Variants in TACR3 observed in about 807,000 individuals in gnomAD.
TACR3 encodes neuromedin-K receptor.
In TACR3, 34 loss-of-function variants were observed where a neutral mutation model predicts 35.0. The ratio of observed to expected loss-of-function variants is 0.97; its 90% CI spans 0.74 to 1.30. The LOEUF is 1.30. TACR3 is among the 50% of genes most tolerant of loss of function. The pLI, the probability that TACR3 is intolerant of heterozygous loss-of-function variation, is 0.00. For missense variants in TACR3, 558 were observed against 591.7 expected (o/e 0.94, Z 0.59); for synonymous variants, 233 against 221.1 (o/e 1.05, Z -0.48).
chr4:103,618,804 C>T (rs1225138006), intron 3 of TACR3, among the ~76,000 whole-genome samples: 2 of 151,970 alleles, frequency 1.3e-5, no homozygotes, highest in African/African-American at 4.8e-5. Flanking sequence ...TTGTAAAGAT[C>T]TTCCACCTCC....
chr4:103,701,721 A>T (rs1376179756), intron 1 of TACR3, among the ~76,000 whole-genome samples: 1 of 152,202 alleles, frequency 6.6e-6, no homozygotes, highest in Non-Finnish European at 1.5e-5. Context: ...AATGGAACAG[A>T]ACAGAGCCCT....
chr4:103,596,502 G>A (rs1053877704), intron 3 of TACR3, among the ~76,000 whole-genome samples: 10 of 152,152 alleles, frequency 6.6e-5, no homozygotes, highest in Admixed American at 3.9e-4. Context: ...TGTTGGTACA[G>A]GATTGATTCT....
intron 3 of TACR3, among the ~76,000 whole-genome samples, chr4:103,652,167 G>T (rs1725634713): frequency 6.6e-6 from 1 of 152,074 alleles, no homozygotes; most frequent in South Asian, 2.1e-4. Flanking sequence ...ACTCACATAG[G>T]AGTTGCGGTC....
At position 103,694,297 on chromosome 4, in the gene TACR3, G is replaced by A. The variant is rs911857714; in HGVS notation, c.548+24831C>T. 2.8e-5 allele frequency among the ~76,000 whole-genome samples: 4 copies of A among 144,616 alleles called. No individual in the cohort carries two copies. The South Asian group carries it at 8.3e-4, about 30-fold the overall frequency. The allele number at this position is 144,616 out of a possible 152,430, so 94.9% of individuals were successfully genotyped here. ...TATGTGCTTACTTGGGAGTTCCAGG[G>A]ACTAATCTTGAGACACACCAAGCAT... On this transcript the variant is annotated intron_variant, in intron 1 of 4. Coordinates refer to ENST00000304883, the MANE Select transcript of TACR3 (RefSeq NM_001059.3).
intron 3 of TACR3, among the ~76,000 whole-genome samples, chr4:103,597,846 C>A (rs1724074990): frequency 1.3e-5 from 2 of 152,126 alleles, no homozygotes; most frequent in South Asian, 4.1e-4. Context: ...TTAATTCAGT[C>A]TATTGTTTTT....
At chr4:103,677,098 C>A (rs1245891457) in intron 1 of TACR3, among the ~76,000 whole-genome samples, 1 of 152,072 alleles carries the variant, frequency 6.6e-6, no homozygotes, top group Non-Finnish European at 1.5e-5. Flanking sequence ...GGCCAACAAA[C>A]ATATGAGAAA....
intron 1 of TACR3, among the ~76,000 whole-genome samples, chr4:103,695,280 C>T (rs542605081): frequency 6.6e-6 from 1 of 152,212 alleles, no homozygotes; most frequent in South Asian, 2.1e-4. Flanking sequence ...AGTAAAATTA[C>T]ACCAAGTGTG....
At chr4:103,591,999 T>G (rs1464875190) in intron 3 of TACR3, among the ~76,000 whole-genome samples, 1 of 152,136 alleles carries the variant, frequency 6.6e-6, no homozygotes, top group Non-Finnish European at 1.5e-5. Flanking sequence ...CAGAGAGAGA[T>G]AGGAACTAGG....
intron 1 of TACR3, among the ~76,000 whole-genome samples, chr4:103,699,151 T>C (rs1437447220): frequency 1.3e-5 from 2 of 152,280 alleles, no homozygotes; most frequent in Non-Finnish European, 2.9e-5. Flanking sequence ...GTATTACAGA[T>C]GGTCCAATTA....
At chr4:103,650,334 C>A (rs1192706458) in intron 3 of TACR3, among the ~76,000 whole-genome samples, 1 of 150,686 alleles carries the variant, frequency 6.6e-6, no homozygotes, top group Non-Finnish European at 1.5e-5. Context: ...CTGTTTTAAT[C>A]ACCATCTGGA....
chr4:103,697,402 G>A lies in TACR3; in HGVS notation c.548+21726C>T, dbSNP rs867473687. Among the ~76,000 whole-genome samples, 103 of 144,968 alleles carry A rather than the reference G, an allele frequency of 7.1e-4. 1 individual carries two copies. The highest frequency in any genetic ancestry group is 3.5e-3 in the Middle Eastern group (1 of 288). On this transcript the variant is annotated intron_variant, in intron 1 of 4. Coordinates refer to ENST00000304883, the MANE Select transcript of TACR3 (RefSeq NM_001059.3). Reference sequence around the variant, plus strand: ...ACTTGTGTTATTTATTTATTTATTTGTTTATTTATTTATTTATTTATTTAT... The same window carrying A: ...ACTTGTGTTATTTATTTATTTATTTATTTATTTATTTATTTATTTATTTAT...
intron 3 of TACR3, among the ~76,000 whole-genome samples, chr4:103,602,001 TC>T (rs1244610592): frequency 5.3e-5 from 8 of 152,322 alleles, no homozygotes; most frequent in Middle Eastern, 3.4e-3. Context: ...GGTTCCAATC[TC>T]CCCGTCACTT....
At chr4:103,712,169 A>C (rs1406138651) in intron 1 of TACR3, among the ~76,000 whole-genome samples, 2 of 152,224 alleles carry the variant, frequency 1.3e-5, no homozygotes, top group Non-Finnish European at 2.9e-5. Context: ...TGGAACCAAA[A>C]AAGAGCCCGC....
At chr4:103,684,418 C>T (rs1722184167) in intron 1 of TACR3, among the ~76,000 whole-genome samples, 1 of 151,982 alleles carries the variant, frequency 6.6e-6, no homozygotes, top group African/African-American at 2.4e-5. Flanking sequence ...TATTTATCAG[C>T]AATGAACAAT....
At chr4:103,599,502 G>A (rs147230663) in intron 3 of TACR3, among the ~76,000 whole-genome samples, 5,247 of 152,276 alleles carry the variant, frequency 0.034, 334 homozygotes, top group African/African-American at 0.12. Flanking sequence ...TTGAATAGGA[G>A]TGGTGAGAGA....
Position 103,719,178 on chromosome 4 carries a change from G to A in TACR3, c.498C>T (p.Ile166=). The A allele has an allele frequency of 6.2e-7, 1 of 1,614,216 alleles. No individual in the cohort carries two copies. The highest frequency in any genetic ancestry group is 8.5e-7 in the Non-Finnish European group (1 of 1,180,052). The stretch of plus-strand genomic sequence containing the variant: ...AGTAGATGCTGGCGAACACAGCTGT[G>A]ATAGGAAAGAAGTTCTGGAAGCGGC... ...NYCRFQNFFP[I]TAVFASIYSM... Residue 166 remains isoleucine, a synonymous_variant, in exon 1 of 5, where the codon ATC becomes ATT. Coordinates refer to ENST00000304883, the MANE Select transcript of TACR3 (RefSeq NM_001059.3).
chr4:103,674,341 G>A (rs183777495), intron 1 of TACR3, among the ~76,000 whole-genome samples: 62 of 151,248 alleles, frequency 4.1e-4, no homozygotes, highest in Non-Finnish European at 7.4e-4. Context: ...TGTTGTTGGA[G>A]GTCCTCAGGA....
chr4:103,669,044 A>T (rs895831204), intron 1 of TACR3, among the ~76,000 whole-genome samples: 9 of 152,136 alleles, frequency 5.9e-5, no homozygotes, highest in African/African-American at 2.2e-4. Flanking sequence ...TTTAGTTCCA[A>T]GTATGAGTGA....
intron 3 of TACR3, among the ~76,000 whole-genome samples, chr4:103,637,249 T>A (rs183790855): frequency 6.6e-6 from 1 of 152,162 alleles, no homozygotes; most frequent in Non-Finnish European, 1.5e-5. Context: ...CATGATCAAG[T>A]GGGCTTCATC....
Sources: gnomAD v4.1 joint callset for allele counts (sites outside exome capture counted in the v4.1 genomes callset) on GRCh38, gnomAD v4.1.1 for gene constraint, MANE v1.5 for transcripts, NCBI Gene and HGNC (gene_info 2026-07-23, HGNC 2026-07-21) for gene names.